The following CDK17 variants were observed in gnomAD, a reference collection of about 807,000 sequenced individuals.
CDK17 encodes cyclin dependent kinase 17, also known as cyclin-dependent kinase 17.
CDK17 carries 24 observed loss-of-function variants against 77.6 expected under a neutral mutation model. The observed-to-expected ratio is 0.31, with a 90% CI of 0.22 to 0.44. CDK17 has a LOEUF of 0.44. CDK17 is among the 20% of genes least tolerant of loss of function. The pLI is 1.00. For missense variants in CDK17, 429 were observed against 622.5 expected (o/e 0.69, Z 3.31); for synonymous variants, 203 against 210.4 (o/e 0.96, Z 0.30).
intron 3 of CDK17, among the ~76,000 whole-genome samples, chr12:96,320,064 A>C (rs1403046515): frequency 1.3e-5 from 2 of 152,148 alleles, no homozygotes; most frequent in African/African-American, 2.4e-5. Flanking sequence ...CTCAGCCCAA[A>C]ATCTCCTTAA....
Position 96,318,026 on chromosome 12 carries a change from T to C in CDK17, c.284-4572A>G, listed in dbSNP as rs188199978. On this transcript the variant is annotated intron_variant, in intron 3 of 16. Transcript: ENST00000261211. ...GGCAAGTTGGATAAAGAGTCAAGAC[T>C]CATCAGTGTGCTGTATTCAGGAAAC... 2.0e-5 allele frequency among the ~76,000 whole-genome samples: 3 copies of C among 152,154 alleles called. No individual in the cohort carries two copies. The East Asian group carries it at 5.8e-4, about 29-fold the overall frequency.
At chr12:96,303,957 T>C (rs1010207963) in intron 5 of CDK17, among the ~76,000 whole-genome samples, 1 of 152,218 alleles carries the variant, frequency 6.6e-6, no homozygotes, top group East Asian at 1.9e-4. Context: ...TCCCTATACA[T>C]ATTAAATACA....
At chr12:96,333,877 C>A (rs1307249884) in intron 2 of CDK17, among the ~76,000 whole-genome samples, 1 of 152,096 alleles carries the variant, frequency 6.6e-6, no homozygotes, top group Non-Finnish European at 1.5e-5. Context: ...GTAGAATAAA[C>A]GGCTTAGCCA....
intron 1 of CDK17, among the ~76,000 whole-genome samples, chr12:96,355,844 G>A (rs1953385839): frequency 6.6e-6 from 1 of 152,144 alleles, no homozygotes; most frequent in Admixed American, 6.6e-5. Flanking sequence ...AATACCTACA[G>A]AATGAAGGAA....
rs184402341 is a variant in CDK17 at position 96,331,905 on chromosome 12, G to A, written c.118+2814C>T. Among the ~76,000 whole-genome samples the A allele has an allele frequency of 2.1e-3, 322 of 152,224 alleles. 2 individuals carry two copies. Among genetic ancestry groups the A allele is most frequent in the African/African-American group, 7.0e-3 (290 of 41,534 alleles). On this transcript the variant is annotated intron_variant, in intron 2 of 16. Coordinates refer to ENST00000261211, the MANE Select transcript of CDK17 (RefSeq NM_002595.5). ...AATTGGTCCAAAGGCAGTTTATTCA[G>A]GGAAATTATAAACTACTGTTATGTG...
In CDK17 at chr12:96,280,849, T is replaced by C. The variant is rs551427046; in HGVS notation, c.1493A>G (p.Gln498Arg). The C allele has an allele frequency of 2.5e-6, 4 of 1,614,010 alleles. No individual in the cohort carries two copies. The highest frequency in any genetic ancestry group is 4.5e-5 in the East Asian group (2 of 44,872). The change falls in exon 16 of 17, where the codon CAA becomes CGA. Residue 498 changes from glutamine (Q) to arginine (R), a missense_variant. This residue lies in a region of CDK17 where 115 missense variants were observed against 124.2 expected (regional missense o/e 0.93). Coordinates refer to ENST00000261211, the MANE Select transcript of CDK17 (RefSeq NM_002595.5). The part of the protein sequence containing the change: ...SIFSLKEIQL[Q>R]KDPGFRNSSY... ...AGAATTTCGAAAACCCGGGTCCTTT[T>C]GCAACTGAATCTCTTTCAAACTGAA...
At chr12:96,375,048 C>T (rs1953756254) in intron 1 of CDK17, among the ~76,000 whole-genome samples, 1 of 152,138 alleles carries the variant, frequency 6.6e-6, no homozygotes, top group African/African-American at 2.4e-5. Context: ...CACTTGGTCT[C>T]CTACTCTCCC....
chr12:96,316,613 A>C (rs1952724133), intron 3 of CDK17, among the ~76,000 whole-genome samples: 1 of 136,816 alleles, frequency 7.3e-6, no homozygotes, highest in Non-Finnish European at 1.6e-5. Flanking sequence ...AGATCTGAGA[A>C]CGGGCAGACT....
chr12:96,367,451 T>C (rs1410433786), intron 1 of CDK17, among the ~76,000 whole-genome samples: 4 of 151,716 alleles, frequency 2.6e-5, no homozygotes, highest in Non-Finnish European at 5.9e-5. Context: ...TTCTGAGCAT[T>C]AGAATTTGTT....
chr12:96,351,505 C>T (rs768741495), intron 1 of CDK17, among the ~76,000 whole-genome samples: 3 of 152,084 alleles, frequency 2.0e-5, no homozygotes, highest in Non-Finnish European at 4.4e-5. Flanking sequence ...ACAGATGAGC[C>T]TTGAGAACAT....
chr12:96,295,255 G>A, intron 9 of CDK17, 133 bp from the exon 10 acceptor site: 1 of 573,562 alleles, frequency 1.7e-6, no homozygotes, highest in South Asian at 2.8e-5. Flanking sequence ...GCATACTTAA[G>A]TACAATGTCT....
chr12:96,330,784 G>A (rs1300285847), intron 2 of CDK17, among the ~76,000 whole-genome samples: 1 of 152,184 alleles, frequency 6.6e-6, no homozygotes, highest in African/African-American at 2.4e-5. Context: ...CACCTTAGCT[G>A]TTGTGAATAG....
chr12:96,387,456 T>C (rs1565847305), intron 1 of CDK17, among the ~76,000 whole-genome samples: 1 of 152,196 alleles, frequency 6.6e-6, no homozygotes, highest in Non-Finnish European at 1.5e-5. Context: ...TGCCTTTAGA[T>C]TTTTTCTTAT....
chr12:96,374,058 T>C (rs1475348657), intron 1 of CDK17, among the ~76,000 whole-genome samples: 1 of 152,228 alleles, frequency 6.6e-6, no homozygotes, highest in South Asian at 2.1e-4. Context: ...TGCCACTGTA[T>C]ACTCCCAAAT....
intron 1 of CDK17, among the ~76,000 whole-genome samples, chr12:96,388,744 G>T (rs1171010732): frequency 6.6e-6 from 1 of 152,158 alleles, no homozygotes; most frequent in Non-Finnish European, 1.5e-5. Context: ...ATAAAGAAAA[G>T]AGGTTTAATT....
At chr12:96,378,153 A>G (rs1287569950) in intron 1 of CDK17, among the ~76,000 whole-genome samples, 1 of 152,220 alleles carries the variant, frequency 6.6e-6, no homozygotes, top group Non-Finnish European at 1.5e-5. Flanking sequence ...CACACTTGAA[A>G]GGTGGGGAGT....
chr12:96,313,055 C>G (rs557034405), intron 4 of CDK17, among the ~76,000 whole-genome samples: 2 of 152,058 alleles, frequency 1.3e-5, no homozygotes, highest in Admixed American at 1.3e-4. Context: ...AATGGATAAC[C>G]TAAAATAACG....
intron 1 of CDK17, among the ~76,000 whole-genome samples, chr12:96,392,082 G>A (rs1356049990): frequency 2.0e-5 from 3 of 152,054 alleles, no homozygotes; most frequent in South Asian, 2.1e-4. Context: ...GGAGCACAAC[G>A]CCAGCCAAAA....
In CDK17 at chr12:96,355,685, C is replaced by T. The variant is rs926693851; in HGVS notation, c.-29-20820G>A. On this transcript the variant is annotated intron_variant, in intron 1 of 16. Transcript: ENST00000261211. The stretch of plus-strand genomic sequence containing the variant: ...CCTCCCAAAGTGCTGGGATTACAGG[C>T]GTGAGCCAACGTGCCCGGCATATAT... 6.6e-5 allele frequency among the ~76,000 whole-genome samples: 10 copies of T among 152,196 alleles called. No individual in the cohort carries two copies. The South Asian group carries it at 1.0e-3, about 16-fold the overall frequency.
Sources: gnomAD v4.1 joint callset for allele counts (sites outside exome capture counted in the v4.1 genomes callset) on GRCh38, gnomAD v4.1.1 for gene constraint, gnomAD v4.1.1 regional missense constraint, MANE v1.5 for transcripts, NCBI Gene and HGNC (gene_info 2026-07-23, HGNC 2026-07-21) for gene names.